Variants in KIAA0232 observed in about 807,000 individuals in gnomAD.
KIAA0232 encodes the protein uncharacterized protein KIAA0232.
In KIAA0232, 27 loss-of-function variants were observed where a neutral mutation model predicts 122.0. The observed-to-expected ratio is 0.22, with a 90% CI of 0.16 to 0.31. KIAA0232 has a LOEUF of 0.31. Ranked by LOEUF, KIAA0232 falls within the 10% of genes least tolerant of loss-of-function variation. The pLI, the probability that KIAA0232 is intolerant of heterozygous loss-of-function variation, is 1.00. For missense variants in KIAA0232, 1,551 were observed against 1,634.2 expected (o/e 0.95, Z 0.88); for synonymous variants, 613 against 587.6 (o/e 1.04, Z -0.63).
intron 1 of KIAA0232, among the ~76,000 whole-genome samples, chr4:6,793,469 G>T (rs1331573584): frequency 1.3e-5 from 2 of 152,216 alleles, no homozygotes; most frequent in African/African-American, 4.8e-5. Context: ...TGAAGCTTTA[G>T]CGAAACAGCC....
chr4:6,787,053 C>T (rs1716655836), intron 1 of KIAA0232, among the ~76,000 whole-genome samples: 1 of 151,812 alleles, frequency 6.6e-6, no homozygotes, highest in Non-Finnish European at 1.5e-5. Context: ...TGGTGGAGCA[C>T]GCCTATAGTC....
Position 6,881,064 on chromosome 4 carries a change from C to A in KIAA0232, c.*98C>A. The A allele has an allele frequency of 2.4e-6, 2 of 849,126 alleles. No individual in the cohort carries two copies. Among genetic ancestry groups the A allele is most frequent in the South Asian group, 3.4e-5 (1 of 29,448 alleles). 52.6% of individuals were successfully genotyped at this position (849,126 alleles called of 1,614,324 possible). A position where few individuals can be genotyped will look rare whatever the true frequency, so the allele number is the denominator to read the frequency against. On this transcript the variant is annotated 3_prime_UTR_variant, in exon 10 of 10. Transcript: ENST00000307659. ...AATCTAAAACAACAACTTAGGTTTCCTCTTCAATTAACTGATTCAGATTGG... is the reference window on the plus strand; with the variant it reads ...AATCTAAAACAACAACTTAGGTTTCATCTTCAATTAACTGATTCAGATTGG...
At chr4:6,859,797 T>C (rs1047761431) in intron 6 of KIAA0232, among the ~76,000 whole-genome samples, 1 of 152,246 alleles carries the variant, frequency 6.6e-6, no homozygotes, top group Non-Finnish European at 1.5e-5. Context: ...AATGTGACTT[T>C]AAATTCTGCC....
chr4:6,849,236 C>T (rs1014096275), intron 4 of KIAA0232, among the ~76,000 whole-genome samples: 1 of 152,052 alleles, frequency 6.6e-6, no homozygotes, highest in African/African-American at 2.4e-5. Context: ...CATCTGTTTT[C>T]GAAGATGGAA....
intron 3 of KIAA0232, 138 bp downstream of exon 3, chr4:6,824,822 G>A: frequency 1.4e-6 from 1 of 718,358 alleles, no homozygotes; most frequent in Non-Finnish European, 2.3e-6. Context: ...GTGACCAGAT[G>A]GTAAGATTGC....
At chr4:6,870,580 A>G (rs1461915329) in intron 7 of KIAA0232, among the ~76,000 whole-genome samples, 1 of 152,232 alleles carries the variant, frequency 6.6e-6, no homozygotes, top group East Asian at 1.9e-4. Context: ...AGGCGGGCAG[A>G]TCACCTGAGG....
Position 6,856,684 on chromosome 4 carries a change from G to GAAA in KIAA0232, c.370-470_370-468dup, listed in dbSNP as rs35815919. On this transcript the variant is annotated intron_variant, in intron 4 of 9. Coordinates refer to ENST00000307659, the MANE Select transcript of KIAA0232 (RefSeq NM_014743.3). ...TGAGTGTTCATGTTTCTTTAAAACAGAAAAAAAAAAAATCACCTTGTTTTC... is the reference window on the plus strand; with the variant it reads ...TGAGTGTTCATGTTTCTTTAAAACAGAAAAAAAAAAAAAAATCACCTTGTTTTC... 5.2e-3 allele frequency among the ~76,000 whole-genome samples: 775 copies of GAAA among 149,056 alleles called. 3 individuals carry two copies. The highest frequency in any genetic ancestry group is 0.018 in the African/African-American group (716 of 40,826).
intron 6 of KIAA0232, among the ~76,000 whole-genome samples, chr4:6,859,376 T>G (rs1720739081): frequency 6.6e-6 from 1 of 152,212 alleles, no homozygotes; most frequent in Non-Finnish European, 1.5e-5. Context: ...TGTATAGACC[T>G]GTATTATCCA....
chr4:6,854,729 G>T (rs1048640729), intron 4 of KIAA0232, among the ~76,000 whole-genome samples: 2 of 152,174 alleles, frequency 1.3e-5, no homozygotes, highest in African/African-American at 4.8e-5. Context: ...AGCAATTCAT[G>T]AGTTCAGTGG....
At chr4:6,800,057 T>C (rs1717317729) in intron 1 of KIAA0232, among the ~76,000 whole-genome samples, 1 of 59,004 alleles carries the variant, frequency 1.7e-5, no homozygotes, top group African/African-American at 7.9e-5. Context: ...TTTTTTTTTT[T>C]TTTTTTTTTT....
At chr4:6,800,823 G>A (rs1004288211) in intron 1 of KIAA0232, among the ~76,000 whole-genome samples, 14 of 152,194 alleles carry the variant, frequency 9.2e-5, no homozygotes, top group African/African-American at 3.1e-4. Context: ...GCAGAGCCAG[G>A]TTGGCTCCTG....
intron 1 of KIAA0232, among the ~76,000 whole-genome samples, chr4:6,783,989 G>A (rs1176332283): frequency 1.3e-5 from 2 of 152,126 alleles, no homozygotes; most frequent in Non-Finnish European, 2.9e-5. Flanking sequence ...CAGGTGACAG[G>A]ACCTGCCGAA....
Position 6,882,883 on chromosome 4 carries a change from A to G in KIAA0232, c.*1917A>G, listed in dbSNP as rs1229704052. On this transcript the variant is annotated 3_prime_UTR_variant, in exon 10 of 10. Coordinates refer to ENST00000307659, the MANE Select transcript of KIAA0232 (RefSeq NM_014743.3). Reference sequence around the variant, plus strand: ...TTGCTTGTGTAGCAAAGACCAAATAAATAGATTTCAGACACAACCTTGAGC... The same window carrying G: ...TTGCTTGTGTAGCAAAGACCAAATAGATAGATTTCAGACACAACCTTGAGC... 2 of 152,640 alleles carry G rather than the reference A, an allele frequency of 1.3e-5. No individual in the cohort carries two copies. The highest frequency in any genetic ancestry group is 2.9e-5 in the Non-Finnish European group (2 of 68,036). 9.5% of individuals were successfully genotyped at this position (152,640 alleles called of 1,614,324 possible).
chr4:6,850,753 C>CTCTGCCTCCTGGGT (rs1720234694), intron 4 of KIAA0232, among the ~76,000 whole-genome samples: 1 of 151,900 alleles, frequency 6.6e-6, no homozygotes, highest in Non-Finnish European at 1.5e-5. Flanking sequence ...TCACTGCAGC[C>CTCTGCCTCCTGGGT]TCTGCCTCCT....
intron 4 of KIAA0232, among the ~76,000 whole-genome samples, chr4:6,849,829 T>C (rs1016882994): frequency 1.3e-5 from 2 of 152,130 alleles, no homozygotes; most frequent in South Asian, 4.1e-4. Flanking sequence ...GGAACATCTT[T>C]GTGGTATGAA....
At chr4:6,818,302 G>A (rs900555919) in intron 2 of KIAA0232, among the ~76,000 whole-genome samples, 3 of 151,366 alleles carry the variant, frequency 2.0e-5, no homozygotes, top group Admixed American at 6.6e-5. Context: ...TCGGGAGGCC[G>A]AGGCAGAGAA....
chr4:6,879,948 G>GC (rs5855935), intron 9 of KIAA0232, among the ~76,000 whole-genome samples: 6,016 of 25,954 alleles, frequency 0.23, 2,023 homozygotes, highest in East Asian at 0.76. Flanking sequence ...CGTCTGCAGT[G>GC]CCCCCTCACC....
chr4:6,820,292 G>C (rs1718361728), intron 2 of KIAA0232, among the ~76,000 whole-genome samples: 1 of 152,292 alleles, frequency 6.6e-6, no homozygotes, highest in East Asian at 1.9e-4. Flanking sequence ...CATCTTACTT[G>C]GGTAGAGCAG....
intron 4 of KIAA0232, among the ~76,000 whole-genome samples, chr4:6,844,002 C>A (rs1719813631): frequency 7.4e-6 from 1 of 135,242 alleles, no homozygotes; most frequent in African/African-American, 2.8e-5. Context: ...TGCAGTGGCG[C>A]CATCTCGGCT....
Sources: allele counts gnomAD v4.1 joint callset (sites outside exome capture counted in the v4.1 genomes callset), GRCh38; gene constraint gnomAD v4.1.1; transcripts MANE v1.5; gene names NCBI Gene and HGNC (gene_info 2026-07-23, HGNC 2026-07-21).